Variants in DOCK7 observed in about 807,000 individuals in gnomAD.
DOCK7 encodes the protein dedicator of cytokinesis 7, also known as dedicator of cytokinesis protein 7.
Under a neutral mutation model 271.0 loss-of-function variants are expected in DOCK7, and 138 were observed. The observed-to-expected ratio is 0.51, with a 90% CI of 0.44 to 0.59. The LOEUF (loss-of-function observed/expected upper bound fraction) is 0.59. Ranked by LOEUF, DOCK7 falls within the 20% of genes least tolerant of loss-of-function variation. DOCK7 has a pLI of 0.00. For missense variants in DOCK7, 2,066 were observed against 2,592.4 expected (o/e 0.80, Z 4.41); for synonymous variants, 823 against 876.1 (o/e 0.94, Z 1.07).
intron 48 of DOCK7, among the ~76,000 whole-genome samples, chr1:62,469,609 TCAG>T (rs1258326456): frequency 1.3e-5 from 2 of 152,132 alleles, no homozygotes; most frequent in Non-Finnish European, 2.9e-5. Context: ...AAAGGAACAG[TCAG>T]CAGAGTAAAC....
intron 22 of DOCK7, among the ~76,000 whole-genome samples, chr1:62,548,423 CTTT>C (rs34750610): frequency 1.3e-4 from 18 of 139,098 alleles, no homozygotes; most frequent in African/African-American, 3.7e-4. Flanking sequence ...TGTCTTAAGT[CTTT>C]TTTTTTTTTT....
chr1:62,550,846 G>A (rs1404106389), intron 22 of DOCK7, among the ~76,000 whole-genome samples: 1 of 151,616 alleles, frequency 6.6e-6, no homozygotes, highest in Admixed American at 6.6e-5. Flanking sequence ...TCAGCCTCCA[G>A]AGTAGCTGGG....
At chr1:62,637,117 A>T (rs538714044) in intron 7 of DOCK7, among the ~76,000 whole-genome samples, 2 of 152,148 alleles carry the variant, frequency 1.3e-5, no homozygotes, top group Admixed American at 6.6e-5. Context: ...TGCCAAACAA[A>T]TTTTTTTAAA....
At chr1:62,605,804 T>G (rs1349878930) in intron 14 of DOCK7, 2 of 152,160 alleles carry the variant, frequency 1.3e-5, no homozygotes, top group Non-Finnish European at 2.9e-5. Flanking sequence ...ATTTAAATTA[T>G]TCTTGCATGT....
chr1:62,457,044 C>T (rs920580582), intron 49 of DOCK7, among the ~76,000 whole-genome samples: 2 of 152,156 alleles, frequency 1.3e-5, no homozygotes, highest in Admixed American at 6.6e-5. Context: ...TCTGTAATGT[C>T]ATTTAATCTC....
rs569470113 is a variant in DOCK7 at position 62,623,140 on chromosome 1, C to T, written c.1425+2119G>A. On this transcript the variant is annotated intron_variant, in intron 12 of 49. Coordinates refer to ENST00000635253, the MANE Select transcript of DOCK7 (RefSeq NM_001367561.1). ...ATCCCTACTGTAGACAGTAATCGCTCATAAACTGAAAAAGAAAAAACTGCC... is the reference window on the plus strand; with the variant it reads ...ATCCCTACTGTAGACAGTAATCGCTTATAAACTGAAAAAGAAAAAACTGCC... Among the ~76,000 whole-genome samples the T allele has an allele frequency of 3.9e-5, 6 of 152,236 alleles. No individual in the cohort carries two copies. In the South Asian group the frequency reaches 1.2e-3, roughly 32 times the overall value.
intron 48 of DOCK7, among the ~76,000 whole-genome samples, chr1:62,470,786 G>A (rs926886989): frequency 1.3e-5 from 2 of 151,960 alleles, no homozygotes; most frequent in Non-Finnish European, 1.5e-5. Flanking sequence ...GCGAGACTCC[G>A]TCTCAAACAA....
chr1:62,667,154 C>A (rs558697142), intron 1 of DOCK7, among the ~76,000 whole-genome samples: 34 of 152,128 alleles, frequency 2.2e-4, no homozygotes, highest in Non-Finnish European at 3.8e-4. Flanking sequence ...TCTGTGCCTG[C>A]CTCTCTCTAG....
intron 14 of DOCK7, among the ~76,000 whole-genome samples, chr1:62,616,760 C>T (rs1182269219): frequency 1.3e-5 from 2 of 151,638 alleles, no homozygotes; most frequent in East Asian, 1.9e-4. Context: ...TATGTCAACA[C>T]GAAATTTCAG....
chr1:62,466,391 A>G (rs1293728559), intron 48 of DOCK7, among the ~76,000 whole-genome samples: 1 of 152,208 alleles, frequency 6.6e-6, no homozygotes, highest in Non-Finnish European at 1.5e-5. Context: ...GCCCTTACTT[A>G]CAAAGCTGCT....
At chr1:62,653,833 A>G (rs763738296) in intron 3 of DOCK7, 40 bp from the exon 4 acceptor site, 2 of 1,476,390 alleles carry the variant, frequency 1.4e-6, no homozygotes, top group Middle Eastern at 3.5e-4. Flanking sequence ...TTTAGACGGG[A>G]CAGCACTGAT....
chr1:62,601,156 C>CG, intron 14 of DOCK7: 1 of 1,610,696 alleles, frequency 6.2e-7, no homozygotes, highest in Non-Finnish European at 8.5e-7. Flanking sequence ...GAACTACTCC[C>CG]TTTCTTCAGT....
At chr1:62,463,688 T>C (rs1224216435) in intron 48 of DOCK7, among the ~76,000 whole-genome samples, 3 of 149,066 alleles carry the variant, frequency 2.0e-5, no homozygotes, top group Non-Finnish European at 4.5e-5. Context: ...TCACAAAACA[T>C]TGTATACACT....
chr1:62,640,222 T>G (rs1248181685), intron 7 of DOCK7, among the ~76,000 whole-genome samples: 1 of 152,120 alleles, frequency 6.6e-6, no homozygotes, highest in Non-Finnish European at 1.5e-5. Context: ...TTTTGAAAAT[T>G]AAGTGTGTGG....
intron 7 of DOCK7, among the ~76,000 whole-genome samples, chr1:62,640,934 G>A (rs147116564): frequency 2.0e-5 from 3 of 152,168 alleles, no homozygotes; most frequent in Admixed American, 6.5e-5. Flanking sequence ...ACAATTCTTA[G>A]AGTGGCTTAA....
intron 16 of DOCK7, among the ~76,000 whole-genome samples, chr1:62,582,481 C>T (rs967668337): frequency 8.2e-6 from 1 of 121,796 alleles, no homozygotes; most frequent in South Asian, 2.9e-4. Flanking sequence ...ACCCGGGAGG[C>T]GGAGCTTGCA....
rs776787629 is a variant in DOCK7 at position 62,535,516 on chromosome 1, G to A, written c.3588C>T (p.Val1196=). The A allele has an allele frequency of 6.2e-7, 1 of 1,613,854 alleles. No individual in the cohort carries two copies. Among genetic ancestry groups the A allele is most frequent in the Non-Finnish European group, 8.5e-7 (1 of 1,179,890 alleles). ...LAGLVLTELA[V]ILDPDAEGLF... is the part of the protein sequence containing the mutation. Reference sequence around the variant, plus strand: ...ACCCTTCAGCATCAGGGTCTAAAATGACAGCCAGCTCTGTTAACACAAGTC... The same window carrying A: ...ACCCTTCAGCATCAGGGTCTAAAATAACAGCCAGCTCTGTTAACACAAGTC... The change falls in exon 29 of 50, where the codon GTC becomes GTT. Residue 1196 remains valine, a synonymous_variant. Coordinates refer to ENST00000635253, the MANE Select transcript of DOCK7 (RefSeq NM_001367561.1).
At chr1:62,463,617 T>C (rs909307703) in intron 48 of DOCK7, among the ~76,000 whole-genome samples, 4 of 152,166 alleles carry the variant, frequency 2.6e-5, no homozygotes, top group African/African-American at 9.7e-5. Flanking sequence ...ATAAAACGGA[T>C]TATGTAAAAA....
chr1:62,606,562 C>T (rs552110035), intron 14 of DOCK7, among the ~76,000 whole-genome samples: 1 of 152,196 alleles, frequency 6.6e-6, no homozygotes, highest in South Asian at 2.1e-4. Context: ...CTCAGACTAC[C>T]TTCCCTTTTA....
Sources: allele counts gnomAD v4.1 joint callset (sites outside exome capture counted in the v4.1 genomes callset), GRCh38; gene constraint gnomAD v4.1.1; transcripts MANE v1.5; gene names NCBI Gene and HGNC (gene_info 2026-07-23, HGNC 2026-07-21).